Variants in ARFGEF3 observed in about 807,000 individuals in gnomAD.
The protein encoded by ARFGEF3 is brefeldin A-inhibited guanine nucleotide-exchange protein 3.
Under a neutral mutation model 221.7 loss-of-function variants are expected in ARFGEF3, and 96 were observed. The ratio of observed to expected loss-of-function variants is 0.43; its 90% confidence interval spans 0.37 to 0.51. ARFGEF3 has a LOEUF of 0.51. Among genes scored for constraint, ARFGEF3 ranks in the 20% least tolerant of loss-of-function variants. The pLI, the probability that ARFGEF3 is intolerant of heterozygous loss-of-function variation, is 0.00. For missense variants in ARFGEF3, 2,410 were observed against 2,789.9 expected (o/e 0.86, Z 3.07); for synonymous variants, 1,145 against 1,126.8 (o/e 1.02, Z -0.32).
chr6:138,333,663 C>T (rs906535434), intron 32 of ARFGEF3, among the ~76,000 whole-genome samples: 3 of 152,052 alleles, frequency 2.0e-5, no homozygotes, highest in African/African-American at 7.2e-5. Flanking sequence ...AGGATGGTCT[C>T]GATCTCCTGA....
chr6:138,207,852 T>C (rs940245316), intron 3 of ARFGEF3, among the ~76,000 whole-genome samples: 1 of 152,214 alleles, frequency 6.6e-6, no homozygotes, highest in African/African-American at 2.4e-5. Flanking sequence ...TATCAACTGC[T>C]TCATAGTTAG....
intron 2 of ARFGEF3, among the ~76,000 whole-genome samples, chr6:138,198,222 T>C (rs139398063): frequency 2.8e-4 from 43 of 152,354 alleles, no homozygotes; most frequent in African/African-American, 9.1e-4. Context: ...CAATTTCATA[T>C]GCTCAACTTA....
chr6:138,289,951 C>T lies in ARFGEF3; in HGVS notation c.3030C>T (p.Cys1010=), dbSNP rs1358553267. The stretch of plus-strand genomic sequence containing the variant: ...AGATGGGAAGCCACAACCCGGACTG[C>T]TGGCCACACGTGTTCAGGTGCATGA... ...GLEMGSHNPD[C]WPHVFRVCEY... is the part of the protein sequence containing the mutation. The change falls in exon 18 of 34, where the codon TGC becomes TGT. Residue 1010 remains cysteine (C), a synonymous_variant. Transcript: ENST00000251691. 6.2e-7 allele frequency: 1 copy of T among 1,613,160 alleles called. No individual in the cohort carries two copies.
chr6:138,177,009 G>A (rs767992761), intron 2 of ARFGEF3, among the ~76,000 whole-genome samples: 2 of 151,184 alleles, frequency 1.3e-5, no homozygotes, highest in Non-Finnish European at 3.0e-5. Context: ...TTCTTTATAG[G>A]TGACTAGATG....
intron 12 of ARFGEF3, among the ~76,000 whole-genome samples, chr6:138,276,414 G>C (rs1779096979): frequency 6.6e-6 from 1 of 152,166 alleles, no homozygotes; most frequent in Non-Finnish European, 1.5e-5. Flanking sequence ...CAGAGCATGA[G>C]ATATAGTTGT....
intron 2 of ARFGEF3, among the ~76,000 whole-genome samples, chr6:138,179,267 C>G (rs1338584486): frequency 6.6e-6 from 1 of 152,186 alleles, no homozygotes; most frequent in African/African-American, 2.4e-5. Context: ...AATCCTGGAG[C>G]TATTTTGTCA....
chr6:138,241,598 A>G (rs1197968862), intron 6 of ARFGEF3, among the ~76,000 whole-genome samples: 2 of 152,224 alleles, frequency 1.3e-5, no homozygotes, highest in Admixed American at 1.3e-4. Context: ...GCGTGCCCTA[A>G]AGCTGGCTTA....
rs776336127 is a variant in ARFGEF3 at position 138,242,954 on chromosome 6, A to C, written c.546A>C (p.Ile182=). 6.2e-7 allele frequency: 1 copy of C among 1,611,180 alleles called. No homozygotes were observed. Residue 182 remains isoleucine (I), a splice_region_variant and synonymous_variant, in exon 7 of 34, where the codon ATA becomes ATC. Coordinates refer to ENST00000251691, the MANE Select transcript of ARFGEF3 (RefSeq NM_020340.5). ...TGTGTGTGTATCTCCCTTACTAGAT[A>C]ATTGAAAACCCAGATGTCCCACAGG... ...LQLRQRQENT[I]IENPDVPQDF...
chr6:138,327,572 A>G (rs1780149444), intron 31 of ARFGEF3, among the ~76,000 whole-genome samples: 1 of 152,236 alleles, frequency 6.6e-6, no homozygotes, highest in Non-Finnish European at 1.5e-5. Context: ...CACATCTGCC[A>G]TGCCTAGTAG....
chr6:138,315,667 T>C (rs1779910954), intron 26 of ARFGEF3, among the ~76,000 whole-genome samples: 1 of 152,052 alleles, frequency 6.6e-6, no homozygotes, highest in Non-Finnish European at 1.5e-5. Flanking sequence ...CTGGCCAACA[T>C]GGTGAAACCC....
chr6:138,313,759 C>A (rs2294443), intron 25 of ARFGEF3, 36 bp from the exon 26 acceptor site: 125,367 of 1,575,848 alleles, frequency 0.08, 7,759 homozygotes, highest in Admixed American at 0.24. Flanking sequence ...CTTTTTCCAA[C>A]ATATAATTGC....
chr6:138,268,106 T>C (rs1197388028), intron 12 of ARFGEF3, among the ~76,000 whole-genome samples: 6 of 152,224 alleles, frequency 3.9e-5, no homozygotes, highest in African/African-American at 1.2e-4. Flanking sequence ...CACTGGGTGC[T>C]GGCCTGTATC....
At chr6:138,242,190 T>C (rs1778404309) in intron 6 of ARFGEF3, among the ~76,000 whole-genome samples, 1 of 152,244 alleles carries the variant, frequency 6.6e-6, no homozygotes, top group Non-Finnish European at 1.5e-5. Flanking sequence ...CGGTAATTAG[T>C]TGGCATGAAA....
intron 8 of ARFGEF3, among the ~76,000 whole-genome samples, chr6:138,245,966 A>C (rs571771686): frequency 3.9e-5 from 6 of 152,124 alleles, no homozygotes; most frequent in African/African-American, 1.4e-4. Context: ...TTCTCATCAA[A>C]CCATGCTGCC....
chr6:138,322,802 GAAA>G (rs112516953), intron 29 of ARFGEF3, among the ~76,000 whole-genome samples: 244 of 89,962 alleles, frequency 2.7e-3, no homozygotes, highest in African/African-American at 7.5e-3. Context: ...CTCAAAAAAA[GAAA>G]AAAAAAAAAA....
chr6:138,238,782 G>A (rs940345036), intron 6 of ARFGEF3, among the ~76,000 whole-genome samples, 151 bp downstream of exon 6: 1 of 152,168 alleles, frequency 6.6e-6, no homozygotes, highest in African/African-American at 2.4e-5. Flanking sequence ...TACACATTAA[G>A]CTCTTTAGAT....
Position 138,338,131 on chromosome 6 carries a change from C to CTGTT in ARFGEF3, c.*1648_*1651dup. 6.6e-6 allele frequency: 1 copy of CTGTT among 152,316 alleles called. No homozygotes were observed. The highest frequency in any genetic ancestry group is 1.9e-4 in the East Asian group (1 of 5,188). The allele number at this position is 152,316 out of a possible 1,614,324, so 9.4% of individuals were successfully genotyped here. A position where few individuals can be genotyped will look rare whatever the true frequency, so the allele number is the denominator to read the frequency against. On this transcript the variant is annotated 3_prime_UTR_variant, in exon 34 of 34. Transcript: ENST00000251691. Reference sequence around the variant, plus strand: ...TTTTTTCCCAGTTCCACAAAACACTCTGTTTGCCTTCAGTTTTTACTCACT... The same window carrying CTGTT: ...TTTTTTCCCAGTTCCACAAAACACTCTGTTTGTTTGCCTTCAGTTTTTACTCACT...
intron 13 of ARFGEF3, among the ~76,000 whole-genome samples, chr6:138,279,571 T>C (rs1292070051): frequency 6.6e-6 from 1 of 152,208 alleles, no homozygotes; most frequent in Non-Finnish European, 1.5e-5. Flanking sequence ...GCTTGATAAA[T>C]TGTAAATTCC....
rs1583052117 is a variant in ARFGEF3 at position 138,291,092 on chromosome 6, T to C, written c.3048-641T>C. 1.3e-5 allele frequency among the ~76,000 whole-genome samples: 2 copies of C among 152,142 alleles called. No homozygotes were observed. The highest frequency in any genetic ancestry group is 3.9e-4 in the East Asian group (2 of 5,176). On this transcript the variant is annotated intron_variant, in intron 18 of 33. Transcript: ENST00000251691. The surrounding 1 kb of genome is among the most constrained non-coding windows in gnomAD (Gnocchi z 4.5). ...TGAGGGACCTTGCGAACCATCTTCG[T>C]CCCAGGTTCTGTTGGGAACAAACCA...
Sources: gnomAD v4.1 joint callset for allele counts (sites outside exome capture counted in the v4.1 genomes callset) on GRCh38, gnomAD v4.1.1 for gene constraint, Gnocchi (gnomAD v3.1) non-coding constraint, MANE v1.5 for transcripts, NCBI Gene and HGNC (gene_info 2026-07-23, HGNC 2026-07-21) for gene names.